The following MXRA7 variants were observed in gnomAD, a reference collection of about 807,000 sequenced individuals.
The protein encoded by MXRA7 is matrix-remodeling-associated protein 7.
In MXRA7, 18 loss-of-function variants were observed where a neutral mutation model predicts 17.4. The ratio of observed to expected loss-of-function variants is 1.03; its 90% CI spans 0.71 to 1.53. The LOEUF (loss-of-function observed/expected upper bound fraction) is 1.53, where lower values mean the gene tolerates loss of function less well. Among genes scored for constraint, MXRA7 ranks in the 40% most tolerant of loss-of-function variants. The pLI is 0.00. For synonymous variants in MXRA7, 70 were observed against 101.7 expected (o/e 0.69, Z 1.87); for missense variants, 141 against 209.3 (o/e 0.67, Z 2.01).
chr17:76,705,042 G>A (rs1479177454), intron 1 of MXRA7, among the ~76,000 whole-genome samples: 1 of 152,132 alleles, frequency 6.6e-6, no homozygotes, highest in Admixed American at 6.5e-5. Flanking sequence ...GGGAAAGAGC[G>A]GGGCTACAAA....
chr17:76,697,061 G>A (rs1257033198), intron 1 of MXRA7, among the ~76,000 whole-genome samples: 3 of 152,068 alleles, frequency 2.0e-5, no homozygotes, highest in Admixed American at 6.6e-5. Context: ...TGTGTTCCAC[G>A]CCCCAATTCA....
chr17:76,685,638 C>T (rs887091979), intron 2 of MXRA7, among the ~76,000 whole-genome samples: 8 of 152,198 alleles, frequency 5.3e-5, no homozygotes, highest in Non-Finnish European at 8.8e-5. Context: ...GCCAGGGATG[C>T]GGGATTTGCT....
intron 1 of MXRA7, among the ~76,000 whole-genome samples, chr17:76,704,961 T>C (rs991225913): frequency 1.3e-5 from 2 of 152,102 alleles, no homozygotes; most frequent in Non-Finnish European, 2.9e-5. Flanking sequence ...GGATCTGGCA[T>C]TTCTCTGGAA....
intron 1 of MXRA7, among the ~76,000 whole-genome samples, chr17:76,704,767 G>C (rs2143681838): frequency 8.5e-6 from 1 of 117,290 alleles, no homozygotes; most frequent in African/African-American, 3.4e-5. Flanking sequence ...GGCGACAAGA[G>C]CAAAACTCCG....
exon 4 of MXRA7, chr17:76,673,710 A>G (rs2076219793): frequency 6.6e-6 from 1 of 152,168 alleles, no homozygotes; most frequent in Admixed American, 6.5e-5. Context: ...AAAAAAGGAA[A>G]ACCAGTAACA....
At chr17:76,686,257 T>C (rs2076395629) in intron 2 of MXRA7, among the ~76,000 whole-genome samples, 1 of 152,146 alleles carries the variant, frequency 6.6e-6, no homozygotes, top group African/African-American at 2.4e-5. Flanking sequence ...GGCAGGTGGA[T>C]CACTTGAGGC....
chr17:76,694,619 C>T (rs182108768), intron 1 of MXRA7, among the ~76,000 whole-genome samples: 1 of 152,286 alleles, frequency 6.6e-6, no homozygotes, highest in Non-Finnish European at 1.5e-5. Flanking sequence ...CAGGGTCTTA[C>T]TGTCACCCAG....
In MXRA7 at chr17:76,695,506, C is replaced by T. The variant is rs578206688; in HGVS notation, c.343-7330G>A. On this transcript the variant is annotated intron_variant, in intron 1 of 3. Transcript: ENST00000449428. The stretch of plus-strand genomic sequence containing the variant: ...CGTGCCTCCCTCATAGCACGCCCAT[C>T]TTTCCTTCCGCTTTGGCACAATCAA... Among the ~76,000 whole-genome samples, 27 of 152,328 alleles carry T rather than the reference C, an allele frequency of 1.8e-4. No homozygotes were observed. The East Asian group carries it at 5.2e-3, about 29-fold the overall frequency.
intron 3 of MXRA7, chr17:76,683,750 T>C (rs2076344997): frequency 3.7e-6 from 3 of 803,842 alleles, no homozygotes; most frequent in Admixed American, 3.8e-5. Context: ...ATGAAGGCGA[T>C]GGAGGAGGGG....
chr17:76,693,790 G>A (rs2076503391), intron 1 of MXRA7, among the ~76,000 whole-genome samples: 1 of 151,642 alleles, frequency 6.6e-6, no homozygotes, highest in Non-Finnish European at 1.5e-5. Context: ...GCAGTGAGCC[G>A]AGATCACACC....
rs1034617987 is a variant in MXRA7 at position 76,688,448 on chromosome 17, C to T, written c.343-272G>A. The T allele has an allele frequency of 2.8e-5, 38 of 1,355,320 alleles. No individual in the cohort carries two copies. The South Asian group carries it at 4.0e-4, about 14-fold the overall frequency. The allele number at this position is 1,355,320 out of a possible 1,614,324, so 84.0% of individuals were successfully genotyped here. A position where few individuals can be genotyped will look rare whatever the true frequency, so the allele number is the denominator to read the frequency against. Reference sequence around the variant, plus strand: ...GGCCTTGGCCTTTCCCAGGTGGGTGCCTGTTGAGGCTTCTGTGTGCCATTT... The same window carrying T: ...GGCCTTGGCCTTTCCCAGGTGGGTGTCTGTTGAGGCTTCTGTGTGCCATTT... On this transcript the variant is annotated intron_variant, in intron 1 of 3. Coordinates refer to ENST00000449428, the MANE Select transcript of MXRA7 (RefSeq NM_198530.4).
intron 3 of MXRA7, chr17:76,683,802 C>T: frequency 6.8e-7 from 1 of 1,464,374 alleles, no homozygotes; most frequent in Non-Finnish European, 9.6e-7. Context: ...CGTTAGCACG[C>T]AGTAGAAGGG....
At chr17:76,683,516 G>A (rs1356163470) in intron 3 of MXRA7, among the ~76,000 whole-genome samples, 1 of 152,162 alleles carries the variant, frequency 6.6e-6, no homozygotes, top group African/African-American at 2.4e-5. Flanking sequence ...GCAGGGTGAC[G>A]ACATCCACAT....
rs982726934 is a variant in MXRA7 at position 76,681,219 on chromosome 17, C to A, written c.501-340G>T. 2.6e-5 allele frequency among the ~76,000 whole-genome samples: 4 copies of A among 152,304 alleles called. No individual in the cohort carries two copies. The highest frequency in any genetic ancestry group is 3.4e-3 in the Middle Eastern group (1 of 294). On this transcript the variant is annotated intron_variant, in intron 3 of 3. Coordinates refer to ENST00000449428, the MANE Select transcript of MXRA7 (RefSeq NM_198530.4). This position sits in a 1 kb window ranked among gnomAD's most constrained non-coding sequence, Gnocchi z 4.7. ...TCTGATCTTGGGTTGTGTGGTTGTG[C>A]TGACAATATTCCTATCACCCTAGAT... is the stretch of plus-strand genomic sequence containing the variant.
chr17:76,679,926 T>C lies in MXRA7; in HGVS notation c.*941A>G, dbSNP rs2076278361. On this transcript the variant is annotated 3_prime_UTR_variant, in exon 4 of 4. Transcript: ENST00000449428. ...GGTTGATGCTGGACATTCCCCAGCC[T>C]TCCATTAAATGAAAACATTTTCTAT... The C allele has an allele frequency of 2.5e-6, 1 of 407,142 alleles. No homozygotes were observed. The highest frequency in any genetic ancestry group is 3.2e-6 in the Non-Finnish European group (1 of 308,292). The allele number at this position is 407,142 out of a possible 1,614,324, so 25.2% of individuals were successfully genotyped here.
At chr17:76,684,682 A>G (rs1316161908) in intron 3 of MXRA7, 1 of 446,462 alleles carries the variant, frequency 2.2e-6, no homozygotes, top group Non-Finnish European at 4.4e-6. Flanking sequence ...CCCGAAGGAG[A>G]AATGGAGAAA....
intron 3 of MXRA7, chr17:76,684,606 C>T (rs142604884): frequency 6.4e-4 from 247 of 385,274 alleles, no homozygotes; most frequent in African/African-American, 4.7e-3. Context: ...CCCGGAGCTA[C>T]AAGGCGCTGC....
At chr17:76,704,349 G>A (rs1697318106) in intron 1 of MXRA7, among the ~76,000 whole-genome samples, 1 of 150,120 alleles carries the variant, frequency 6.7e-6, no homozygotes, top group African/African-American at 2.4e-5. Flanking sequence ...GGGACTACAG[G>A]TGCCCGCCAC....
intron 1 of MXRA7, among the ~76,000 whole-genome samples, chr17:76,706,080 A>ACTGCCATCACAGAGGACCACG (rs2076651699): frequency 1.3e-5 from 2 of 148,978 alleles, no homozygotes; most frequent in South Asian, 4.3e-4. Flanking sequence ...AGAGGACCAC[A>ACTGCCATCACAGAGGACCACG]CTGCCATCAC....
Sources: allele counts gnomAD v4.1 joint callset (sites outside exome capture counted in the v4.1 genomes callset), GRCh38; gene constraint gnomAD v4.1.1; non-coding constraint Gnocchi (gnomAD v3.1); transcripts MANE v1.5; gene names NCBI Gene and HGNC (gene_info 2026-07-23, HGNC 2026-07-21).